The following CNTN5 variants were observed in gnomAD, a reference collection of about 807,000 sequenced individuals.
The protein encoded by CNTN5 is contactin 5, also known as contactin-5.
CNTN5 carries 77 observed loss-of-function variants against 129.1 expected under a neutral mutation model. The observed-to-expected ratio is 0.60, with a 90% CI of 0.50 to 0.72. The LOEUF (loss-of-function observed/expected upper bound fraction) is 0.72, where lower values mean the gene tolerates loss of function less well. CNTN5 is among the 30% of genes least tolerant of loss of function. CNTN5 has a pLI of 0.00. For missense variants in CNTN5, 1,478 were observed against 1,328.8 expected (o/e 1.11, Z -1.75); for synonymous variants, 509 against 465.6 (o/e 1.09, Z -1.20).
rs573933165 is a variant in CNTN5, at chr11:99,324,203, T to G, written c.-209-1143T>G. Among the ~76,000 whole-genome samples, 10 of 152,192 alleles carry G rather than the reference T, an allele frequency of 6.6e-5. No individual in the cohort carries two copies. In the East Asian group the frequency reaches 1.9e-3, roughly 29 times the overall value. On this transcript the variant is annotated intron_variant, in intron 1 of 24. Coordinates refer to ENST00000524871, the MANE Select transcript of CNTN5 (RefSeq NM_014361.4). ...TGACAACTACAAGCAACTGAAATAC[T>G]TTTTATCAATCTGATCATGAAATAT...
chr11:99,669,302 T>C (rs1292448383), intron 3 of CNTN5, among the ~76,000 whole-genome samples: 1 of 152,066 alleles, frequency 6.6e-6, no homozygotes, highest in Non-Finnish European at 1.5e-5. Flanking sequence ...ATCAGAAAAT[T>C]AATTTTAAAC....
At chr11:99,609,608 T>C (rs1168316816) in intron 3 of CNTN5, among the ~76,000 whole-genome samples, 2 of 152,050 alleles carry the variant, frequency 1.3e-5, no homozygotes, top group African/African-American at 4.8e-5. Context: ...CCTATCCTGG[T>C]TCTGGCTGAT....
rs141536110 is a variant in CNTN5 at position 100,336,784 on chromosome 11, G to A, written c.2731-3679G>A. 457 of 319,980 alleles carry A rather than the reference G, an allele frequency of 1.4e-3. 3 individuals carry two copies. Among genetic ancestry groups the A allele is most frequent in the African/African-American group, 8.6e-3 (405 of 46,994 alleles). The allele number at this position is 319,980 out of a possible 1,614,324, so 19.8% of individuals were successfully genotyped here. A position where few individuals can be genotyped will look rare whatever the true frequency, so the allele number is the denominator to read the frequency against. ...TAGCTAGAGCGGTACGGCAGCCTCC[G>A]GATTCTGAGGTGTTCTGCGACTTCC... is the stretch of plus-strand genomic sequence containing the variant. On this transcript the variant is annotated intron_variant, in intron 21 of 24. Transcript: ENST00000524871.
intron 1 of CNTN5, among the ~76,000 whole-genome samples, chr11:99,194,032 G>A (rs543127279): frequency 3.7e-4 from 56 of 152,144 alleles, no homozygotes; most frequent in Middle Eastern, 6.8e-3. Flanking sequence ...TCTGGCAAAG[G>A]AACAAGCTAG....
chr11:99,971,735 G>T (rs1052300854), intron 8 of CNTN5, among the ~76,000 whole-genome samples: 1 of 151,634 alleles, frequency 6.6e-6, no homozygotes, highest in African/African-American at 2.4e-5. Context: ...TATGGTCAAA[G>T]AATAATGTTT....
chr11:99,236,900 T>C (rs1861300243), intron 1 of CNTN5, among the ~76,000 whole-genome samples: 1 of 152,204 alleles, frequency 6.6e-6, no homozygotes, highest in South Asian at 2.1e-4. Flanking sequence ...TGTATACTTA[T>C]TCCAATAATA....
intron 3 of CNTN5, among the ~76,000 whole-genome samples, chr11:99,790,809 T>C (rs976857937): frequency 6.6e-6 from 1 of 152,164 alleles, no homozygotes; most frequent in Non-Finnish European, 1.5e-5. Context: ...GCCATCCCTT[T>C]TTCTGCAACC....
chr11:99,241,100 G>A (rs1427258143), intron 1 of CNTN5, among the ~76,000 whole-genome samples: 1 of 152,058 alleles, frequency 6.6e-6, no homozygotes, highest in Non-Finnish European at 1.5e-5. Flanking sequence ...GTCTGTAGTA[G>A]AATTAATCTT....
intron 1 of CNTN5, among the ~76,000 whole-genome samples, chr11:99,323,431 A>G (rs1865652838): frequency 6.6e-6 from 1 of 152,142 alleles, no homozygotes; most frequent in South Asian, 2.1e-4. Flanking sequence ...CCACAACAAT[A>G]CAGTTCATTA....
rs111570018 is a variant in CNTN5, at chr11:99,503,463, C to T, written c.-70-52682C>T. On this transcript the variant is annotated intron_variant, in intron 2 of 24. Coordinates refer to ENST00000524871, the MANE Select transcript of CNTN5 (RefSeq NM_014361.4). ...CATTTGTTTCTCAACCACCTAAGAG[C>T]TATGCATTCTCCCAAGCTCAGTTCA... Among the ~76,000 whole-genome samples, 181 of 152,322 alleles carry T rather than the reference C, an allele frequency of 1.2e-3. 1 individual carries two copies. Among genetic ancestry groups the T allele is most frequent in the African/African-American group, 4.2e-3 (173 of 41,582 alleles).
intron 17 of CNTN5, among the ~76,000 whole-genome samples, chr11:100,268,178 T>C (rs1421805606): frequency 2.0e-5 from 3 of 152,118 alleles, no homozygotes; most frequent in East Asian, 1.9e-4. Context: ...AGAGTTCCAT[T>C]TGAGACACAT....
rs929737576 is a variant in CNTN5 at position 99,969,428 on chromosome 11, T to C, written c.877+12419T>C. 7.9e-5 allele frequency among the ~76,000 whole-genome samples: 12 copies of C among 152,300 alleles called. 2 individuals carry two copies. The South Asian group carries it at 1.9e-3, about 24-fold the overall frequency. On this transcript the variant is annotated intron_variant, in intron 8 of 24. Transcript: ENST00000524871. ...TTGACTTTTGCAGTGGTGGCAAAGA[T>C]ATATTCACTTACGTTTATCTAACTT... is the stretch of plus-strand genomic sequence containing the variant.
chr11:100,215,015 G>A (rs552075080), intron 15 of CNTN5, among the ~76,000 whole-genome samples: 5 of 152,256 alleles, frequency 3.3e-5, no homozygotes, highest in Non-Finnish European at 5.9e-5. Flanking sequence ...ATAGGTTCCC[G>A]AGATCTTCTC....
At chr11:99,857,508 G>C (rs1565611338) in intron 6 of CNTN5, among the ~76,000 whole-genome samples, 1 of 151,974 alleles carries the variant, frequency 6.6e-6, no homozygotes, top group Non-Finnish European at 1.5e-5. Context: ...TCGATTATAA[G>C]GCCCCCAAAT....
chr11:99,689,500 C>G (rs1198657525), intron 3 of CNTN5, among the ~76,000 whole-genome samples: 2 of 115,164 alleles, frequency 1.7e-5, no homozygotes, highest in Non-Finnish European at 3.3e-5. Context: ...GCACTCTACC[C>G]TGGGCGACAG....
intron 4 of CNTN5, among the ~76,000 whole-genome samples, chr11:99,821,296 G>A (rs1350210160): frequency 6.6e-6 from 1 of 152,136 alleles, no homozygotes; most frequent in Non-Finnish European, 1.5e-5. Flanking sequence ...CCATGAAAAT[G>A]ATGAGAACAA....
chr11:99,800,364 A>C (rs965077729), intron 3 of CNTN5, among the ~76,000 whole-genome samples: 1 of 152,140 alleles, frequency 6.6e-6, no homozygotes, highest in Non-Finnish European at 1.5e-5. Flanking sequence ...ATTATGACCC[A>C]GCATGTAGTT....
At chr11:100,224,991 A>G in intron 16 of CNTN5, 179 bp downstream of exon 16, 1 of 472,318 alleles carries the variant, frequency 2.1e-6, no homozygotes, top group Non-Finnish European at 3.6e-6. Context: ...ACTCCTCCTT[A>G]GTAACAGATG....
intron 1 of CNTN5, among the ~76,000 whole-genome samples, chr11:99,234,721 A>G (rs897000283): frequency 1.5e-4 from 23 of 151,898 alleles, no homozygotes; most frequent in African/African-American, 5.3e-4. Context: ...AAAAATAAAT[A>G]ATAATGTAAA....
Sources: allele counts gnomAD v4.1 joint callset (sites outside exome capture counted in the v4.1 genomes callset), GRCh38; gene constraint gnomAD v4.1.1; transcripts MANE v1.5; gene names NCBI Gene and HGNC (gene_info 2026-07-23, HGNC 2026-07-21).